BLTP1: variants seen among roughly 807,000 people sequenced by gnomAD.
BLTP1 encodes the protein bridge-like lipid transfer protein family member 1, also known as fragile site-associated protein.
the BLTP1 span, chr4:122,346,409 A>G: frequency 1.0e-6 from 1 of 956,006 alleles, no homozygotes; most frequent in Non-Finnish European, 1.2e-6. Context: ...ATAAAGTGAT[A>G]ATAGAATTCC....
chr4:122,188,432 CT>C, the BLTP1 span: 1 of 163,510 alleles, frequency 6.1e-6, no homozygotes, highest in African/African-American at 2.4e-5. Flanking sequence ...GAAGATGTGA[CT>C]AAAGAGTAAA....
At chr4:122,214,867 C>T in the BLTP1 span, among the ~76,000 whole-genome samples, 4 of 151,938 alleles carry the variant, frequency 2.6e-5, no homozygotes, top group Non-Finnish European at 4.4e-5. Flanking sequence ...CCACCTGGGC[C>T]TCCTGAAGTG....
At chr4:122,218,502 A>G in the BLTP1 span, among the ~76,000 whole-genome samples, 1 of 152,208 alleles carries the variant, frequency 6.6e-6, no homozygotes, top group Non-Finnish European at 1.5e-5. Context: ...TCCTATGAAA[A>G]GATATTATGT....
the BLTP1 span, chr4:122,305,518 A>G: frequency 1.0e-6 from 1 of 984,552 alleles, no homozygotes; most frequent in African/African-American, 1.7e-5. Flanking sequence ...TGCCAGTCAC[A>G]GTTTCAAAAC....
At chr4:122,158,758 G>A in the BLTP1 span, among the ~76,000 whole-genome samples, 3 of 152,122 alleles carry the variant, frequency 2.0e-5, no homozygotes, top group East Asian at 3.9e-4. Context: ...GCAACACAGC[G>A]AGACTCCGTC....
the BLTP1 span, among the ~76,000 whole-genome samples, chr4:122,179,667 A>G: frequency 0.029 from 4,361 of 152,302 alleles, 113 homozygotes; most frequent in East Asian, 0.14. Context: ...AACACAGGGA[A>G]AAGGACACAT....
At chr4:122,328,124 G>A in the BLTP1 span, 1 of 1,603,950 alleles carries the variant, frequency 6.2e-7, no homozygotes, top group South Asian at 1.1e-5. Flanking sequence ...AGACAGAACT[G>A]GACCTTTTGT....
At chr4:122,251,403 A>G in the BLTP1 span, 1 of 890,798 alleles carries the variant, frequency 1.1e-6, no homozygotes, top group Non-Finnish European at 1.3e-6. Flanking sequence ...AATCATGGGT[A>G]TACTCACCTT....
chr4:122,262,148 T>TG, the BLTP1 span, among the ~76,000 whole-genome samples: 2 of 133,518 alleles, frequency 1.5e-5, no homozygotes, highest in African/African-American at 2.7e-5. Context: ...TACAGATCCT[T>TG]TGTGTGTGTG....
chr4:122,213,521 G>A, the BLTP1 span, among the ~76,000 whole-genome samples: 2 of 151,926 alleles, frequency 1.3e-5, no homozygotes, highest in Non-Finnish European at 2.9e-5. Flanking sequence ...TTAAAGGAAT[G>A]TAAAAATTCA....
the BLTP1 span, among the ~76,000 whole-genome samples, chr4:122,155,746 A>G: frequency 3.3e-5 from 5 of 152,220 alleles, no homozygotes; most frequent in African/African-American, 1.2e-4. Flanking sequence ...TAGAAGATAC[A>G]TGGTCAGATA....
the BLTP1 span, among the ~76,000 whole-genome samples, chr4:122,294,464 C>T: frequency 1.3e-5 from 2 of 152,304 alleles, no homozygotes; most frequent in South Asian, 4.1e-4. Flanking sequence ...GAACCTGGTG[C>T]AGGAGGAACT....
the BLTP1 span, among the ~76,000 whole-genome samples, chr4:122,168,100 CT>C: frequency 6.6e-6 from 1 of 152,288 alleles, no homozygotes; most frequent in South Asian, 2.1e-4. Flanking sequence ...TATTTCTGTA[CT>C]TGCTTAAAAT....
the BLTP1 span, chr4:122,190,082 A>G: frequency 6.2e-7 from 1 of 1,611,686 alleles, no homozygotes; most frequent in Non-Finnish European, 8.5e-7. Flanking sequence ...TGAGCCAGGT[A>G]TTGTTGTTGT....
the BLTP1 span, chr4:122,175,346 A>G: frequency 4.0e-4 from 299 of 745,792 alleles, 3 homozygotes; most frequent in African/African-American, 4.7e-3. Context: ...CTTTTGGGGC[A>G]TGAGATGATA....
chr4:122,179,575 T>A, the BLTP1 span, among the ~76,000 whole-genome samples: 1 of 152,016 alleles, frequency 6.6e-6, no homozygotes, highest in Non-Finnish European at 1.5e-5. Flanking sequence ...CAACACTCCT[T>A]TCATCCTCCG....
the BLTP1 span, chr4:122,273,377 A>G: frequency 1.0e-6 from 1 of 984,926 alleles, no homozygotes; most frequent in South Asian, 4.7e-5. Context: ...TGAAAAAATT[A>G]GGTGGACTGA....
chr4:122,160,558 A>G, the BLTP1 span, among the ~76,000 whole-genome samples: 1 of 152,256 alleles, frequency 6.6e-6, no homozygotes, highest in Admixed American at 6.5e-5. Context: ...ATAGCATCAT[A>G]GAATTGGAAG....
the BLTP1 span, among the ~76,000 whole-genome samples, chr4:122,335,742 G>A: frequency 6.6e-6 from 1 of 152,096 alleles, no homozygotes; most frequent in South Asian, 2.1e-4. Context: ...TCATTCTCCT[G>A]AAGCAGATAT....
Sources: allele counts gnomAD v4.1 joint callset (sites outside exome capture counted in the v4.1 genomes callset), GRCh38; gene constraint gnomAD v4.1.1; transcripts MANE v1.5; gene names NCBI Gene and HGNC (gene_info 2026-07-23, HGNC 2026-07-21).